Variants in A1CF observed in about 807,000 individuals in gnomAD.
A1CF encodes the protein APOBEC1 complementation factor, also known as APOBEC-1 stimulating protein.
A1CF carries 48 observed loss-of-function variants against 68.9 expected under a neutral mutation model. The ratio of observed to expected loss-of-function variants is 0.70; its 90% CI spans 0.55 to 0.89. A1CF has a LOEUF of 0.89. Ranked by LOEUF, A1CF falls within the 40% of genes least tolerant of loss-of-function variation. The pLI, the probability that A1CF is intolerant of heterozygous loss-of-function variation, is 0.00. For synonymous variants in A1CF, 272 were observed against 260.4 expected (o/e 1.04, Z -0.43); for missense variants, 653 against 718.9 (o/e 0.91, Z 1.05).
chr10:50,813,211 A>G (rs1838203392), intron 10 of A1CF, among the ~76,000 whole-genome samples: 1 of 152,210 alleles, frequency 6.6e-6, no homozygotes, highest in Non-Finnish European at 1.5e-5. Flanking sequence ...TAACCCCGGG[A>G]GTCAGTTTCC....
At chr10:50,872,948 T>A in intron 1 of A1CF, among the ~76,000 whole-genome samples, 1 of 59,986 alleles carries the variant, frequency 1.7e-5, no homozygotes, top group Non-Finnish European at 3.1e-5. Context: ...TTAAGTTCCT[T>A]TTTTTTTTTT....
intron 1 of A1CF, among the ~76,000 whole-genome samples, chr10:50,876,048 G>A (rs907725000): frequency 2.6e-5 from 4 of 152,088 alleles, no homozygotes; most frequent in African/African-American, 4.8e-5. Context: ...TTACCTAGGC[G>A]CCTTTGTCCT....
chr10:50,813,995 T>G lies in A1CF; in HGVS notation c.1185A>C (p.Ala395=), dbSNP rs772816187. 10 of 1,613,716 alleles carry G rather than the reference T, an allele frequency of 6.2e-6. No homozygotes were observed. Among genetic ancestry groups the G allele is most frequent in the African/African-American group, 1.3e-5 (1 of 74,904 alleles). ...GGTATCCTCGACCCAGGCCTGTGTA[T>G]GCCAAATAGCCACGGCCGCCCAGTC... ...VRGLGGRGYL[A]YTGLGRGYQV... is the part of the protein sequence containing the mutation. The change falls in exon 10 of 13, where the codon GCA becomes GCC. Residue 395 remains alanine, a synonymous_variant. Transcript: ENST00000373997.
At chr10:50,818,401 A>G (rs1019596310) in intron 8 of A1CF, among the ~76,000 whole-genome samples, 1 of 151,890 alleles carries the variant, frequency 6.6e-6, no homozygotes, top group African/African-American at 2.4e-5. Flanking sequence ...ACCACATTAT[A>G]GTCAAATATA....
intron 1 of A1CF, among the ~76,000 whole-genome samples, chr10:50,875,859 A>G (rs1171475966): frequency 6.6e-6 from 1 of 152,192 alleles, no homozygotes; most frequent in Non-Finnish European, 1.5e-5. Context: ...TCCTGCCCCA[A>G]ATCCTTCACT....
At chr10:50,810,187 C>G in intron 11 of A1CF, 145 bp from the exon 12 acceptor site, 1 of 922,556 alleles carries the variant, frequency 1.1e-6, no homozygotes, top group South Asian at 1.9e-5. Context: ...ATTAAAGCTT[C>G]TAAATATAGG....
chr10:50,852,019 C>G (rs953367452), intron 3 of A1CF, among the ~76,000 whole-genome samples: 3 of 152,206 alleles, frequency 2.0e-5, no homozygotes, highest in African/African-American at 7.2e-5. Flanking sequence ...AATCAGTACT[C>G]ACAAATGAAT....
rs1837710355 is a variant in A1CF at position 50,803,872 on chromosome 10, T to G, written c.*2857A>C. On this transcript the variant is annotated 3_prime_UTR_variant, in exon 13 of 13. Transcript: ENST00000373997. ...AAAATTGATAGTGATGCAGAAGGTA[T>G]GAAGGTATTATATAGGTGCTAATTT... The G allele has an allele frequency of 6.6e-6, 1 of 152,198 alleles. No homozygotes were observed. Among genetic ancestry groups the G allele is most frequent in the African/African-American group, 2.4e-5 (1 of 41,464 alleles). The allele number at this position is 152,198 out of a possible 1,614,324, so 9.4% of individuals were successfully genotyped here.
chr10:50,838,333 C>T (rs928072724), intron 5 of A1CF, among the ~76,000 whole-genome samples: 1 of 152,054 alleles, frequency 6.6e-6, no homozygotes, highest in Non-Finnish European at 1.5e-5. Flanking sequence ...GAGTGTGGTT[C>T]TCAAGGTGAG....
rs556793626 is a variant in A1CF, at chr10:50,874,522, T to C, written c.-93-10442A>G. Reference sequence around the variant, plus strand: ...TACCAGAAGAGGAAGCATTCACCTATGCACCTGTGCACATCTTGTTGCAAT... The same window carrying C: ...TACCAGAAGAGGAAGCATTCACCTACGCACCTGTGCACATCTTGTTGCAAT... On this transcript the variant is annotated intron_variant, in intron 1 of 12. Transcript: ENST00000373997. Among the ~76,000 whole-genome samples, 9 of 152,324 alleles carry C rather than the reference T, an allele frequency of 5.9e-5. No homozygotes were observed. The South Asian group carries it at 1.2e-3, about 21-fold the overall frequency.
intron 1 of A1CF, among the ~76,000 whole-genome samples, chr10:50,875,790 A>G (rs1424929807): frequency 6.6e-6 from 1 of 152,186 alleles, no homozygotes; most frequent in Non-Finnish European, 1.5e-5. Flanking sequence ...TAGGCATGGC[A>G]TATCTGTTCT....
rs371217319 is a variant in A1CF, at chr10:50,826,166, G to A, written c.769+1965C>T. ...CCCAGAGATTAAATGTCTGAAGATG[G>A]AGGAAACAATAAGAGGGGAAAAACT... On this transcript the variant is annotated intron_variant, in intron 7 of 12. Coordinates refer to ENST00000373997, the MANE Select transcript of A1CF (RefSeq NM_014576.4). Among the ~76,000 whole-genome samples the A allele has an allele frequency of 5.3e-5, 8 of 152,220 alleles. No individual in the cohort carries two copies. In the East Asian group the frequency reaches 7.7e-4, roughly 15 times the overall value.
intron 10 of A1CF, among the ~76,000 whole-genome samples, chr10:50,811,397 C>T (rs1226452178): frequency 6.6e-6 from 1 of 152,150 alleles, no homozygotes; most frequent in East Asian, 1.9e-4. Context: ...ACACCATTTA[C>T]TGTAATATGT....
chr10:50,855,072 C>G (rs761987811), intron 3 of A1CF, among the ~76,000 whole-genome samples: 7 of 151,758 alleles, frequency 4.6e-5, no homozygotes, highest in Non-Finnish European at 1.0e-4. Context: ...ACAGACACCA[C>G]GTTGGGTGGA....
chr10:50,877,880 T>G (rs1383677217), intron 1 of A1CF, among the ~76,000 whole-genome samples: 1 of 152,188 alleles, frequency 6.6e-6, no homozygotes, highest in African/African-American at 2.4e-5. Flanking sequence ...CCCCCCACTT[T>G]GGGAGGCTGA....
rs1837586989 is a variant in A1CF, at chr10:50,801,212, G to C, written c.*5517C>G. 2 of 152,250 alleles carry C rather than the reference G, an allele frequency of 1.3e-5. No individual in the cohort carries two copies. Among genetic ancestry groups the C allele is most frequent in the South Asian group, 2.1e-4 (1 of 4,822 alleles). 9.4% of individuals were successfully genotyped at this position (152,250 alleles called of 1,614,324 possible). On this transcript the variant is annotated 3_prime_UTR_variant, in exon 13 of 13. Coordinates refer to ENST00000373997, the MANE Select transcript of A1CF (RefSeq NM_014576.4). The stretch of plus-strand genomic sequence containing the variant: ...TAGAGAGATAGTTGGACAGAAAGTG[G>C]ATTGATGGAGATTTCAGAGGAGGAA...
chr10:50,817,877 A>T (rs1240480466), intron 8 of A1CF, among the ~76,000 whole-genome samples: 2 of 152,222 alleles, frequency 1.3e-5, no homozygotes, highest in Admixed American at 6.5e-5. Context: ...ATATCTTATT[A>T]ATCTGTATAG....
chr10:50,872,376 T>TG (rs1270303560), intron 1 of A1CF, among the ~76,000 whole-genome samples: 1 of 152,090 alleles, frequency 6.6e-6, no homozygotes, highest in Non-Finnish European at 1.5e-5. Flanking sequence ...TAAATCAAGG[T>TG]AGAGAGAGGC....
At chr10:50,875,676 C>G (rs760382728) in intron 1 of A1CF, among the ~76,000 whole-genome samples, 1 of 152,190 alleles carries the variant, frequency 6.6e-6, no homozygotes, top group Non-Finnish European at 1.5e-5. Context: ...CTGTTGCCCT[C>G]TCTACACTCC....
Sources: gnomAD v4.1 joint callset for allele counts (sites outside exome capture counted in the v4.1 genomes callset) on GRCh38, gnomAD v4.1.1 for gene constraint, MANE v1.5 for transcripts, NCBI Gene and HGNC (gene_info 2026-07-23, HGNC 2026-07-21) for gene names.